Variants in GRK3 observed in about 807,000 individuals in gnomAD.
GRK3 encodes G protein-coupled receptor kinase 3, also known as adrenergic, beta, receptor kinase 2.
A neutral mutation model predicts 95.7 loss-of-function variants in GRK3; 54 were observed. The observed-to-expected ratio is 0.56, with a 90% confidence interval of 0.45 to 0.71. The LOEUF (loss-of-function observed/expected upper bound fraction) is 0.71, where lower values mean the gene tolerates loss of function less well. Among genes scored for constraint, GRK3 ranks in the 30% least tolerant of loss-of-function variants. The pLI, the probability that GRK3 is intolerant of heterozygous loss-of-function variation, is 0.00. For missense variants in GRK3, 649 were observed against 851.2 expected, an observed-to-expected ratio of 0.76 and a Z score of 2.96; for synonymous variants, 281 against 290.8, an observed-to-expected ratio of 0.97 and a Z score of 0.34.
rs2085266722 is a variant in GRK3 at position 25,702,489 on chromosome 22, A to C, written c.1161-1021A>C. Among the ~76,000 whole-genome samples the C allele has an allele frequency of 2.0e-5, 3 of 152,244 alleles. 1 individual carries two copies. Among genetic ancestry groups the C allele is most frequent in the South Asian group, 4.1e-4 (2 of 4,838 alleles). ...TATAAGATGACTACTTTGTAGGCAC[A>C]TCTTGTTATAAGAAAAGTCAATCAT... On this transcript the variant is annotated intron_variant, in intron 13 of 20. Transcript: ENST00000324198.
chr22:25,630,383 A>G (rs1190678214), intron 2 of GRK3, among the ~76,000 whole-genome samples: 1 of 152,222 alleles, frequency 6.6e-6, no homozygotes. Context: ...ATCTTAAATT[A>G]TTTTAAATCT....
At chr22:25,590,016 C>T (rs188967235) in intron 1 of GRK3, among the ~76,000 whole-genome samples, 32 of 152,272 alleles carry the variant, frequency 2.1e-4, no homozygotes, top group African/African-American at 7.0e-4. Context: ...CCTCCCTCAA[C>T]TCGTGGGAAT....
chr22:25,699,694 C>CTTTTTTTTTTTTTTTTTTTTTTTT (rs1157678995), intron 13 of GRK3, among the ~76,000 whole-genome samples: 1 of 139,180 alleles, frequency 7.2e-6, no homozygotes, highest in African/African-American at 2.7e-5. Context: ...CTTTTCTTTT[C>CTTTTTTTTTTTTTTTTTTTTTTTT]TTTTCTTTTT....
chr22:25,714,049 T>C (rs1250379096), intron 17 of GRK3, among the ~76,000 whole-genome samples: 6 of 152,218 alleles, frequency 3.9e-5, no homozygotes, highest in African/African-American at 1.4e-4. Flanking sequence ...AAAATATCCT[T>C]ACCATAATTG....
At chr22:25,670,881 C>CAAAAAA (rs71191074) in intron 6 of GRK3, among the ~76,000 whole-genome samples, 2 of 65,704 alleles carry the variant, frequency 3.0e-5, no homozygotes, top group Non-Finnish European at 6.2e-5. Context: ...ACTAAAAATA[C>CAAAAAA]AAAAAAAAAA....
At chr22:25,706,997 T>G (rs577047977) in intron 15 of GRK3, among the ~76,000 whole-genome samples, 420 of 152,122 alleles carry the variant, frequency 2.8e-3, no homozygotes, top group African/African-American at 9.6e-3. Flanking sequence ...AACTTTTTTT[T>G]TTTTTATAGA....
At chr22:25,657,254 A>G (rs2146397126) in intron 3 of GRK3, among the ~76,000 whole-genome samples, 1 of 152,322 alleles carries the variant, frequency 6.6e-6, no homozygotes, top group South Asian at 2.1e-4. Flanking sequence ...TTGATTTTAT[A>G]TCTAGTTGTT....
At chr22:25,647,847 A>G in intron 3 of GRK3, 1 of 734,668 alleles carries the variant, frequency 1.4e-6, no homozygotes, top group Admixed American at 1.8e-5. Flanking sequence ...GCAGTGGCTC[A>G]TGCCTGTAAT....
chr22:25,652,743 A>T (rs2084842257), intron 3 of GRK3, among the ~76,000 whole-genome samples: 1 of 152,240 alleles, frequency 6.6e-6, no homozygotes. Flanking sequence ...CGTATATGAC[A>T]GTGATCCCAG....
At chr22:25,707,336 G>C (rs2085307697) in intron 15 of GRK3, among the ~76,000 whole-genome samples, 1 of 152,194 alleles carries the variant, frequency 6.6e-6, no homozygotes, top group Non-Finnish European at 1.5e-5. Context: ...AACCCAATAA[G>C]AAAATCACCG....
chr22:25,645,371 A>G (rs2084773437), intron 3 of GRK3, among the ~76,000 whole-genome samples: 1 of 152,216 alleles, frequency 6.6e-6, no homozygotes, highest in Non-Finnish European at 1.5e-5. Flanking sequence ...TGTAGCAGGC[A>G]GATGGGCATC....
chr22:25,609,845 CTTTTTTTTTTT>C (rs980049696), intron 2 of GRK3, among the ~76,000 whole-genome samples: 3 of 127,844 alleles, frequency 2.3e-5, no homozygotes, highest in South Asian at 2.5e-4. Flanking sequence ...GCAATTTTTA[CTTTTTTTTTTT>C]TTTTTTTTTG....
chr22:25,611,718 G>T (rs1219424512), intron 2 of GRK3, among the ~76,000 whole-genome samples: 1 of 151,928 alleles, frequency 6.6e-6, no homozygotes, highest in Non-Finnish European at 1.5e-5. Context: ...TCTTCTGGTT[G>T]GTGGCTGGAA....
At chr22:25,704,240 TTACCAG>T (rs1209475103) in intron 15 of GRK3, 31 bp downstream of exon 15, 2 of 1,526,994 alleles carry the variant, frequency 1.3e-6, no homozygotes, top group Non-Finnish European at 1.8e-6. Flanking sequence ...TTCGGTATCT[TTACCAG>T]AAGAGCAAAA....
intron 2 of GRK3, among the ~76,000 whole-genome samples, chr22:25,609,968 C>A (rs1271599123): frequency 2.0e-5 from 3 of 151,570 alleles, no homozygotes; most frequent in Admixed American, 6.6e-5. Flanking sequence ...CTGCCTCAGC[C>A]TCCCGAGTAG....
At chr22:25,677,445 G>C (rs1314903264) in intron 8 of GRK3, among the ~76,000 whole-genome samples, 1 of 146,166 alleles carries the variant, frequency 6.8e-6, no homozygotes, top group Non-Finnish European at 1.5e-5. Context: ...ACATGGAAGA[G>C]AGTGGTGATA....
At chr22:25,604,064 GT>G (rs1447634841) in intron 1 of GRK3, among the ~76,000 whole-genome samples, 2 of 152,160 alleles carry the variant, frequency 1.3e-5, no homozygotes, top group Non-Finnish European at 2.9e-5. Context: ...GTGTGCATGT[GT>G]TTGTGCGTGC....
At chr22:25,661,091 T>G (rs757937643) in intron 3 of GRK3, among the ~76,000 whole-genome samples, 2 of 152,246 alleles carry the variant, frequency 1.3e-5, no homozygotes, top group Non-Finnish European at 2.9e-5. Flanking sequence ...ACTTATTTGC[T>G]TTAGTTGATT....
chr22:25,699,139 G>A (rs1410386978), intron 13 of GRK3, among the ~76,000 whole-genome samples: 1 of 152,162 alleles, frequency 6.6e-6, no homozygotes, highest in Non-Finnish European at 1.5e-5. Context: ...TGCCTCAGCT[G>A]TGAACAAGGG....
Sources: allele counts gnomAD v4.1 joint callset (sites outside exome capture counted in the v4.1 genomes callset), GRCh38; gene constraint gnomAD v4.1.1; transcripts MANE v1.5; gene names NCBI Gene and HGNC (gene_info 2026-07-23, HGNC 2026-07-21).